Variants in DENND1A observed in about 807,000 individuals in gnomAD.
DENND1A encodes the protein DENN domain-containing protein 1A.
DENND1A carries 51 observed loss-of-function variants against 113.7 expected under a neutral mutation model. The ratio of observed to expected loss-of-function variants is 0.45; its 90% CI spans 0.36 to 0.57. The LOEUF (loss-of-function observed/expected upper bound fraction) is 0.57, where lower values mean the gene tolerates loss of function less well. Ranked by LOEUF, DENND1A falls within the 20% of genes least tolerant of loss-of-function variation. The probability of loss-of-function intolerance (pLI) is 0.00; values close to 1 mark genes in which losing one functional copy is unlikely to be tolerated. For missense variants in DENND1A, 1,258 were observed against 1,395.9 expected, an observed-to-expected ratio of 0.90 and a Z score of 1.57; for synonymous variants, 565 against 570.8, an observed-to-expected ratio of 0.99 and a Z score of 0.14.
At chr9:123,387,203 A>T (rs2130947648) in intron 22 of DENND1A, among the ~76,000 whole-genome samples, 1 of 152,354 alleles carries the variant, frequency 6.6e-6, no homozygotes. Context: ...AACTTTTAAA[A>T]ATCGCTACTT....
intron 1 of DENND1A, among the ~76,000 whole-genome samples, chr9:123,897,339 C>A (rs1036899347): frequency 2.0e-5 from 3 of 152,170 alleles, no homozygotes; most frequent in African/African-American, 7.2e-5. Flanking sequence ...TGAATAACTT[C>A]CAAGAGAAGC....
intron 12 of DENND1A, among the ~76,000 whole-genome samples, chr9:123,562,888 C>T (rs1339956119): frequency 2.6e-5 from 4 of 152,038 alleles, no homozygotes; most frequent in Admixed American, 6.5e-5. Context: ...CTGAGTTCCC[C>T]GCAGGGCCAG....
intron 10 of DENND1A, among the ~76,000 whole-genome samples, chr9:123,612,813 A>G (rs1239687940): frequency 1.3e-5 from 2 of 152,232 alleles, no homozygotes; most frequent in Non-Finnish European, 2.9e-5. Flanking sequence ...GCATTCTCCA[A>G]TAAGGCAGTA....
intron 13 of DENND1A, among the ~76,000 whole-genome samples, chr9:123,485,134 A>G (rs1048013887): frequency 9.2e-5 from 14 of 152,226 alleles, no homozygotes; most frequent in Non-Finnish European, 1.9e-4. Flanking sequence ...TTGGGGGAGC[A>G]GAGCCTGGCG....
intron 13 of DENND1A, among the ~76,000 whole-genome samples, chr9:123,467,026 G>A (rs1360791126): frequency 6.6e-6 from 1 of 152,078 alleles, no homozygotes; most frequent in African/African-American, 2.4e-5. Context: ...ACTTCAGCCT[G>A]GGTGACAGAG....
intron 2 of DENND1A, among the ~76,000 whole-genome samples, chr9:123,855,659 G>A (rs770052694): frequency 1.3e-5 from 2 of 152,090 alleles, no homozygotes; most frequent in Non-Finnish European, 2.9e-5. Flanking sequence ...GCAGAAGACT[G>A]GCATGATTAT....
chr9:123,782,927 A>G (rs1442186980), intron 3 of DENND1A, among the ~76,000 whole-genome samples: 1 of 150,736 alleles, frequency 6.6e-6, no homozygotes, highest in Non-Finnish European at 1.5e-5. Context: ...GCTTCATGTT[A>G]TACCACTTCT....
At chr9:123,612,122 C>A (rs1395989327) in intron 10 of DENND1A, among the ~76,000 whole-genome samples, 1 of 152,180 alleles carries the variant, frequency 6.6e-6, no homozygotes, top group Non-Finnish European at 1.5e-5. Context: ...GGACAAATAC[C>A]TTTTACATTG....
intron 13 of DENND1A, among the ~76,000 whole-genome samples, chr9:123,525,908 C>A (rs925433695): frequency 7.2e-5 from 11 of 151,926 alleles, no homozygotes; most frequent in African/African-American, 2.7e-4. Context: ...CAGGTGCACA[C>A]CACCATACCA....
chr9:123,466,456 C>T (rs2048958374), intron 13 of DENND1A, among the ~76,000 whole-genome samples: 1 of 152,170 alleles, frequency 6.6e-6, no homozygotes, highest in Non-Finnish European at 1.5e-5. Context: ...CCTGCCACCA[C>T]ACCCAGCTAA....
rs2054311054 is a variant in DENND1A at position 123,520,536 on chromosome 9, T to C, written c.993+37034A>G. ...AGGTGAAATAGCAGCCACCCTGAGC[T>C]CATGAGCAAAGCCTGCCTGATGGCA... On this transcript the variant is annotated intron_variant, in intron 13 of 23. Coordinates refer to ENST00000394215, the MANE Select transcript of DENND1A (RefSeq NM_001352964.2). Among the ~76,000 whole-genome samples, 3 of 152,210 alleles carry C rather than the reference T, an allele frequency of 2.0e-5. No individual in the cohort carries two copies. The South Asian group carries it at 6.2e-4, about 32-fold the overall frequency.
chr9:123,555,930 C>T (rs968009338), intron 13 of DENND1A, among the ~76,000 whole-genome samples: 3 of 152,218 alleles, frequency 2.0e-5, no homozygotes, highest in African/African-American at 7.2e-5. Flanking sequence ...CCATTCCCAG[C>T]AACCCAAGCA....
intron 11 of DENND1A, among the ~76,000 whole-genome samples, chr9:123,590,517 A>T (rs1202804214): frequency 6.6e-6 from 1 of 152,158 alleles, no homozygotes; most frequent in Non-Finnish European, 1.5e-5. Context: ...TGATAACCGT[A>T]CCTACCTCAC....
intron 2 of DENND1A, among the ~76,000 whole-genome samples, chr9:123,810,451 C>T (rs1836363314): frequency 1.3e-5 from 2 of 150,432 alleles, no homozygotes; most frequent in South Asian, 2.1e-4. Flanking sequence ...GTGGCTCACA[C>T]CTGTAATCCC....
At chr9:123,541,497 G>A (rs528352147) in intron 13 of DENND1A, among the ~76,000 whole-genome samples, 3 of 152,296 alleles carry the variant, frequency 2.0e-5, no homozygotes, top group East Asian at 1.9e-4. Flanking sequence ...TTGTGAAGAC[G>A]AGAGTGAACA....
intron 1 of DENND1A, among the ~76,000 whole-genome samples, chr9:123,886,512 G>C (rs759629966): frequency 6.6e-6 from 1 of 152,164 alleles, no homozygotes; most frequent in Non-Finnish European, 1.5e-5. Flanking sequence ...GAGGTGTACC[G>C]TTTAAAAATT....
Position 123,381,771 on chromosome 9 carries a change from G to A in DENND1A, c.2874C>T (p.Gly958=). Residue 958 remains glycine (G), a synonymous_variant, in exon 24 of 24, where the codon GGC becomes GGT. Transcript: ENST00000394215. The surrounding 1 kb of genome is among the most constrained non-coding windows in gnomAD (Gnocchi z 4.7). ...LSALSMPNLF[G]QMPMGTHTSP... is the part of the protein sequence containing the mutation. ...TCGTGTGGGTGCCCATGGGCATCTG[G>A]CCAAAGAGGTTGGGCATGGAGAGGG... is the stretch of plus-strand genomic sequence containing the variant. The A allele has an allele frequency of 6.6e-7, 1 of 1,513,974 alleles. No individual in the cohort carries two copies. 93.8% of individuals were successfully genotyped at this position (1,513,974 alleles called of 1,614,324 possible). A position where few individuals can be genotyped will look rare whatever the true frequency, so the allele number is the denominator to read the frequency against.
At chr9:123,929,834 C>T (rs920326154) in intron 1 of DENND1A, 55 bp downstream of exon 1, 4 of 223,402 alleles carry the variant, frequency 1.8e-5, no homozygotes, top group Non-Finnish European at 3.3e-5. Context: ...GCAGCCCTGG[C>T]CCGGCCTCGC....
chr9:123,463,237 T>G (rs2048676098), intron 13 of DENND1A, among the ~76,000 whole-genome samples: 1 of 152,230 alleles, frequency 6.6e-6, no homozygotes, highest in Non-Finnish European at 1.5e-5. Flanking sequence ...ACACAGCTGC[T>G]TAACCCTGTC....
Sources: allele counts gnomAD v4.1 joint callset (sites outside exome capture counted in the v4.1 genomes callset), GRCh38; gene constraint gnomAD v4.1.1; non-coding constraint Gnocchi (gnomAD v3.1); transcripts MANE v1.5; gene names NCBI Gene and HGNC (gene_info 2026-07-23, HGNC 2026-07-21).